The following PPM1K variants were observed in gnomAD, a reference collection of about 807,000 sequenced individuals.
PPM1K encodes the protein protein phosphatase, Mg2+/Mn2+ dependent 1K.
A neutral mutation model predicts 32.6 loss-of-function variants in PPM1K; 19 were observed. That is an observed-to-expected ratio of 0.58 (90% CI 0.41 to 0.86). The LOEUF is 0.86. Ranked by LOEUF, PPM1K falls within the 40% of genes least tolerant of loss-of-function variation. The probability of loss-of-function intolerance (pLI) is 0.00; values close to 1 mark genes in which losing one functional copy is unlikely to be tolerated. For missense variants in PPM1K, 362 were observed against 461.2 expected (o/e 0.78, Z 1.97); for synonymous variants, 159 against 165.3 (o/e 0.96, Z 0.29).
In PPM1K at chr4:88,259,493, G is replaced by T. The variant is rs1332232389; in HGVS notation, c.*3102C>A. ...ATGAAAGACAAACCGAACCACAATT[G>T]ATGTTTTACTACATTAATGTAATTT... On this transcript the variant is annotated 3_prime_UTR_variant, in exon 7 of 7. Coordinates refer to ENST00000608933, the MANE Select transcript of PPM1K (RefSeq NM_152542.5). 1 of 152,084 alleles carries T rather than the reference G, an allele frequency of 6.6e-6. No homozygotes were observed. The highest frequency in any genetic ancestry group is 6.6e-5 in the Admixed American group (1 of 15,266). The allele number at this position is 152,084 out of a possible 1,614,324, so 9.4% of individuals were successfully genotyped here. A position where few individuals can be genotyped will look rare whatever the true frequency, so the allele number is the denominator to read the frequency against.
rs930565960 is a variant in PPM1K, at chr4:88,278,898, A to G, written c.-59-256T>C. 3.4e-6 allele frequency: 1 copy of G among 298,206 alleles called. No individual in the cohort carries two copies. Among genetic ancestry groups the G allele is most frequent in the African/African-American group, 2.2e-5 (1 of 45,742 alleles). 18.5% of individuals were successfully genotyped at this position (298,206 alleles called of 1,614,324 possible). On this transcript the variant is annotated intron_variant, in intron 1 of 6. Coordinates refer to ENST00000608933, the MANE Select transcript of PPM1K (RefSeq NM_152542.5). This position sits in a 1 kb window ranked among gnomAD's most constrained non-coding sequence, Gnocchi z 4.2. ...GAATCGATTTTCCTACCGCATTCAC[A>G]GCATTTAAATTCTATAAAAATTTAA...
chr4:88,282,734 G>C (rs140115264), intron 1 of PPM1K, among the ~76,000 whole-genome samples: 1 of 152,328 alleles, frequency 6.6e-6, no homozygotes, highest in African/African-American at 2.4e-5. Flanking sequence ...TGTGTGACTG[G>C]AGAAAAGTGT....
rs746316294 is a variant in PPM1K, at chr4:88,262,634, T to A, written c.1080A>T (p.Ser360=). The A allele has an allele frequency of 1.2e-6, 2 of 1,613,972 alleles. No homozygotes were observed. The highest frequency in any genetic ancestry group is 1.7e-6 in the Non-Finnish European group (2 of 1,179,890). Residue 360 remains serine (S), a synonymous_variant, in exon 7 of 7, where the codon TCA becomes TCT. Coordinates refer to ENST00000608933, the MANE Select transcript of PPM1K (RefSeq NM_152542.5). ...GKYKNSEINF[S]FSRSFASSGR... ...CACTGGAGGCAAAGCTTCTGCTGAA[T>A]GAGAAGTTGATTTCAGAGTTCTTAT...
chr4:88,276,087 A>G (rs1731755816), intron 3 of PPM1K: 13 of 985,422 alleles, frequency 1.3e-5, no homozygotes, highest in Non-Finnish European at 1.6e-5. Flanking sequence ...TCGCAGAGTT[A>G]CCTTCTCCTC....
intron 3 of PPM1K, among the ~76,000 whole-genome samples, chr4:88,273,932 T>C (rs1731662822): frequency 6.6e-6 from 1 of 152,198 alleles, no homozygotes; most frequent in African/African-American, 2.4e-5. Context: ...AACCAATCTT[T>C]CATGCCCTAT....
chr4:88,276,879 A>G (rs1731786015), intron 3 of PPM1K: 2 of 915,516 alleles, frequency 2.2e-6, no homozygotes, highest in South Asian at 4.9e-5. Context: ...TTTAAAAACT[A>G]AAGTACAACA....
At chr4:88,265,193 C>T (rs1198363182) in intron 5 of PPM1K, 58 bp from the exon 6 acceptor site, 9 of 1,595,850 alleles carry the variant, frequency 5.6e-6, no homozygotes, top group Middle Eastern at 1.7e-4. Context: ...AGCACAATCT[C>T]GCTAATTCAA....
At position 88,262,042 on chromosome 4, in the gene PPM1K, T is replaced by C. The variant is rs12642881; in HGVS notation, c.*553A>G. On this transcript the variant is annotated 3_prime_UTR_variant, in exon 7 of 7. Transcript: ENST00000608933. ...GGCCAAATTAATTTCTTTTGCATGG[T>C]TGCTTTCACCAGTAAGTGGTCCAGA... 2 of 152,332 alleles carry C rather than the reference T, an allele frequency of 1.3e-5. No homozygotes were observed. The highest frequency in any genetic ancestry group is 2.1e-4 in the South Asian group (1 of 4,826). The allele number at this position is 152,332 out of a possible 1,614,324, so 9.4% of individuals were successfully genotyped here. A position where few individuals can be genotyped will look rare whatever the true frequency, so the allele number is the denominator to read the frequency against.
rs1731851489 is a variant in PPM1K, at chr4:88,278,052, T to C, written c.440+92A>G. On this transcript the variant is annotated intron_variant, in intron 2 of 6. Transcript: ENST00000608933. The surrounding 1 kb of genome is among the most constrained non-coding windows in gnomAD (Gnocchi z 4.2). ...AGCAGCATGCAACCACTCAAGTAAC[T>C]ATGTTTACGCTGGAAGCCTCAGCCA... The C allele has an allele frequency of 9.8e-7, 1 of 1,023,240 alleles. No homozygotes were observed. Among genetic ancestry groups the C allele is most frequent in the South Asian group, 1.6e-5 (1 of 61,722 alleles). The allele number at this position is 1,023,240 out of a possible 1,614,324, so 63.4% of individuals were successfully genotyped here. A position where few individuals can be genotyped will look rare whatever the true frequency, so the allele number is the denominator to read the frequency against.
chr4:88,278,178 C>T lies in PPM1K; in HGVS notation c.406G>A (p.Asp136Asn), dbSNP rs1242458096. ...TTCTCCATGTGGGTATGACAGAAAT[C>T]AGCTGCTGCAGGTCCACCGTGTCCA... is the stretch of plus-strand genomic sequence containing the variant. The part of the protein sequence containing the change: ...YDGHGGPAAA[D>N]FCHTHMEKCI... The change falls in exon 2 of 7, where the codon GAT becomes AAT. Residue 136 changes from aspartate (D) to asparagine (N), a missense_variant. Coordinates refer to ENST00000608933, the MANE Select transcript of PPM1K (RefSeq NM_152542.5). The surrounding 1 kb of genome is among the most constrained non-coding windows in gnomAD (Gnocchi z 4.2). The T allele has an allele frequency of 6.2e-7, 1 of 1,614,046 alleles. No homozygotes were observed. The highest frequency in any genetic ancestry group is 1.1e-5 in the South Asian group (1 of 91,062).
rs762975861 is a variant in PPM1K, at chr4:88,277,092, C to T, written c.541+51G>A. 5 of 1,385,652 alleles carry T rather than the reference C, an allele frequency of 3.6e-6. No homozygotes were observed. In the African/African-American group the frequency reaches 4.3e-5, roughly 12 times the overall value. The allele number at this position is 1,385,652 out of a possible 1,614,324, so 85.8% of individuals were successfully genotyped here. A position where few individuals can be genotyped will look rare whatever the true frequency, so the allele number is the denominator to read the frequency against. On this transcript the variant is annotated intron_variant, in intron 3 of 6. Coordinates refer to ENST00000608933, the MANE Select transcript of PPM1K (RefSeq NM_152542.5). ...TTAAAGTGTTTCCTTTTTACTCCTCCCCCACCCCATGTACTCCCTAGGATC... is the reference window on the plus strand; with the variant it reads ...TTAAAGTGTTTCCTTTTTACTCCTCTCCCACCCCATGTACTCCCTAGGATC...
intron 3 of PPM1K, chr4:88,271,313 A>G: frequency 4.6e-6 from 1 of 217,304 alleles, no homozygotes; most frequent in Non-Finnish European, 9.5e-6. Context: ...AGGGTTTTTT[A>G]TTTTGGTGAA....
In PPM1K at chr4:88,257,903, G is replaced by A. The variant is rs1275184671; in HGVS notation, c.*4692C>T. ...AGCAAATGAGTCATTCTTGGAAGTG[G>A]AAGAACTCCATGATTTCACAGCCTA... On this transcript the variant is annotated 3_prime_UTR_variant, in exon 7 of 7. Transcript: ENST00000608933. 6.6e-6 allele frequency: 1 copy of A among 152,162 alleles called. No individual in the cohort carries two copies. The highest frequency in any genetic ancestry group is 1.9e-4 in the East Asian group (1 of 5,202). The allele number at this position is 152,162 out of a possible 1,614,324, so 9.4% of individuals were successfully genotyped here.
chr4:88,271,810 T>C (rs1448335462), intron 3 of PPM1K, among the ~76,000 whole-genome samples: 1 of 152,218 alleles, frequency 6.6e-6, no homozygotes, highest in Non-Finnish European at 1.5e-5. Context: ...CTATACAAGA[T>C]ACATAGAGTA....
In PPM1K at chr4:88,262,543, G is replaced by C. The variant is rs1731157210; in HGVS notation, c.*52C>G. The stretch of plus-strand genomic sequence containing the variant: ...ACCTTTTTGATCTTATCAGTTTCTT[G>C]ACATGCTCAGTGAAAAACTGTTGCA... On this transcript the variant is annotated 3_prime_UTR_variant, in exon 7 of 7. Transcript: ENST00000608933. The C allele has an allele frequency of 3.8e-6, 6 of 1,598,440 alleles. No homozygotes were observed. The Middle Eastern group carries it at 8.4e-4, about 223-fold the overall frequency.
intron 3 of PPM1K, among the ~76,000 whole-genome samples, chr4:88,272,057 T>C (rs1731578520): frequency 6.6e-6 from 1 of 152,234 alleles, no homozygotes. Flanking sequence ...GCAAAAGCTA[T>C]ACTTTTCAAA....
chr4:88,264,829 C>T (rs1215770871), intron 6 of PPM1K, among the ~76,000 whole-genome samples, 172 bp downstream of exon 6: 1 of 152,144 alleles, frequency 6.6e-6, no homozygotes, highest in Non-Finnish European at 1.5e-5. Context: ...AAACAAAGCA[C>T]ATTTCCTTGG....
Position 88,262,675 on chromosome 4 carries a change from C to G in PPM1K, c.1039G>C (p.Gly347Arg), listed in dbSNP as rs753865577. The change falls in exon 7 of 7, where the codon GGT (glycine) becomes CGT (arginine). Residue 347 changes from glycine to arginine, a missense_variant. Transcript: ENST00000608933. The part of the protein sequence containing the change: ...DNSTAVVVPF[G>R]AWGKYKNSEI... ...GAGTTCTTATATTTTCCCCAGGCAC[C>G]AAAAGGCACTACTACTGCAGTACTG... 6.2e-7 allele frequency: 1 copy of G among 1,614,090 alleles called. No homozygotes were observed. The highest frequency in any genetic ancestry group is 2.2e-5 in the East Asian group (1 of 44,874).
rs1731101128 is a variant in PPM1K, at chr4:88,261,142, C to A, written c.*1453G>T. ...GCAGAAATAAACTACGGAAATAATT[C>A]CAAATACACATTTAGAAATTCACAT... On this transcript the variant is annotated 3_prime_UTR_variant, in exon 7 of 7. Coordinates refer to ENST00000608933, the MANE Select transcript of PPM1K (RefSeq NM_152542.5). 6.6e-6 allele frequency: 1 copy of A among 152,120 alleles called. No individual in the cohort carries two copies. The highest frequency in any genetic ancestry group is 1.5e-5 in the Non-Finnish European group (1 of 68,016). The allele number at this position is 152,120 out of a possible 1,614,324, so 9.4% of individuals were successfully genotyped here.
Sources: allele counts gnomAD v4.1 joint callset (sites outside exome capture counted in the v4.1 genomes callset), GRCh38; gene constraint gnomAD v4.1.1; non-coding constraint Gnocchi (gnomAD v3.1); transcripts MANE v1.5; gene names NCBI Gene and HGNC (gene_info 2026-07-23, HGNC 2026-07-21).